The following PAX3 variants were observed in gnomAD, a reference collection of about 807,000 sequenced individuals.
PAX3 encodes paired box 3.
A neutral mutation model predicts 51.6 loss-of-function variants in PAX3; 14 were observed. The ratio of observed to expected loss-of-function variants is 0.27; its 90% confidence interval spans 0.18 to 0.42. The LOEUF is 0.42. PAX3 is among the 10% of genes least tolerant of loss of function. The pLI, the probability that PAX3 is intolerant of heterozygous loss-of-function variation, is 1.00. For missense variants in PAX3, 540 were observed against 642.8 expected, an observed-to-expected ratio of 0.84 and a Z score of 1.73; for synonymous variants, 280 against 253.4, an observed-to-expected ratio of 1.11 and a Z score of -1.00.
rs183125402 is a variant in PAX3 at position 222,273,865 on chromosome 2, G to A, written c.586+20302C>T. On this transcript the variant is annotated intron_variant, in intron 4 of 8. Transcript: ENST00000392070. ...AATTCGACTAAAACATGGCAAATTC[G>A]GTGCTGTAATTTTTTAAATTTGCTC... Among the ~76,000 whole-genome samples the A allele has an allele frequency of 1.4e-3, 211 of 151,956 alleles. 1 individual carries two copies. The highest frequency in any genetic ancestry group is 2.5e-3 in the Non-Finnish European group (169 of 67,972).
intron 4 of PAX3, among the ~76,000 whole-genome samples, chr2:222,291,106 C>T (rs1465813028): frequency 6.6e-6 from 1 of 152,148 alleles, no homozygotes; most frequent in African/African-American, 2.4e-5. Flanking sequence ...AGTGGGGGCC[C>T]AGCCCATTGT....
chr2:222,214,531 T>C (rs1483890848), intron 7 of PAX3: 2 of 152,142 alleles, frequency 1.3e-5, no homozygotes, highest in East Asian at 1.9e-4. Flanking sequence ...GTCTTATTAG[T>C]GTAAAGAGCT....
chr2:222,293,801 C>T lies in PAX3; in HGVS notation c.586+366G>A, dbSNP rs1040531388. 6.8e-6 allele frequency: 11 copies of T among 1,613,942 alleles called. No homozygotes were observed. The African/African-American group carries it at 1.5e-4, about 22-fold the overall frequency. On this transcript the variant is annotated intron_variant, in intron 4 of 8. Transcript: ENST00000392070. ...CTTCAACTTCTGAAGATTCAAGTAC[C>T]CTCTATCCCCGGCCCTACAATTGCT... is the stretch of plus-strand genomic sequence containing the variant.
At chr2:222,233,753 C>T (rs1692698391) in intron 4 of PAX3, among the ~76,000 whole-genome samples, 1 of 152,126 alleles carries the variant, frequency 6.6e-6, no homozygotes, top group African/African-American at 2.4e-5. Context: ...CTCTTGAACA[C>T]ATCCAAATGT....
intron 4 of PAX3, among the ~76,000 whole-genome samples, chr2:222,292,524 G>A (rs781124559): frequency 3.3e-5 from 5 of 152,190 alleles, no homozygotes; most frequent in Admixed American, 6.5e-5. Flanking sequence ...CCTGTACTGC[G>A]AGAGAGCAGC....
chr2:222,284,616 TGTGTG>T (rs1217322988), intron 4 of PAX3, among the ~76,000 whole-genome samples: 2 of 2,928 alleles, frequency 6.8e-4, no homozygotes, highest in Admixed American at 6.0e-3. Context: ...TGTGTGCGTG[TGTGTG>T]TGTGTGTGTG....
chr2:222,279,508 G>C (rs905404221), intron 4 of PAX3, among the ~76,000 whole-genome samples: 1 of 152,202 alleles, frequency 6.6e-6, no homozygotes, highest in Admixed American at 6.5e-5. Flanking sequence ...GTAGAGGAGG[G>C]TTAGGTGGTA....
intron 4 of PAX3, among the ~76,000 whole-genome samples, chr2:222,245,167 A>G (rs530950680): frequency 3.9e-5 from 6 of 152,290 alleles, no homozygotes; most frequent in African/African-American, 1.4e-4. Flanking sequence ...AAGAAAAGAA[A>G]TAGAATAAAA....
At position 222,229,903 on chromosome 2, in the gene PAX3, G is replaced by A. The variant is rs184595580; in HGVS notation, c.792+2175C>T. 6.4e-3 allele frequency among the ~76,000 whole-genome samples: 973 copies of A among 152,238 alleles called. 2 individuals are homozygous for A. The highest frequency in any genetic ancestry group is 0.024 in the Middle Eastern group (7 of 294). On this transcript the variant is annotated intron_variant, in intron 5 of 8. Transcript: ENST00000392070. The stretch of plus-strand genomic sequence containing the variant: ...AGTTCATCTTAAATCTGCCCTCTGG[G>A]CCCAGCACAATGGCTCATGCCTATA...
chr2:222,238,997 G>A (rs567941581), intron 4 of PAX3, among the ~76,000 whole-genome samples: 21 of 152,308 alleles, frequency 1.4e-4, no homozygotes, highest in Middle Eastern at 3.4e-3. Context: ...GCCCTTTTAC[G>A]CTGAGAAAGA....
chr2:222,280,281 GAGAA>G (rs1198008602), intron 4 of PAX3, among the ~76,000 whole-genome samples: 3 of 125,628 alleles, frequency 2.4e-5, no homozygotes, highest in African/African-American at 5.9e-5. Context: ...GAAAGAAGGA[GAGAA>G]AGAGAGAGAG....
intron 4 of PAX3, among the ~76,000 whole-genome samples, chr2:222,241,110 TA>T (rs1427746497): frequency 1.3e-5 from 2 of 152,204 alleles, no homozygotes; most frequent in Admixed American, 6.5e-5. Flanking sequence ...TCCATGTCTC[TA>T]AAAGCAGTAA....
intron 7 of PAX3, among the ~76,000 whole-genome samples, chr2:222,216,725 CAGAG>C (rs111690098): frequency 0.069 from 10,275 of 149,972 alleles, 567 homozygotes; most frequent in Admixed American, 0.17. Context: ...CACACACACA[CAGAG>C]AGAGAGAGAG....
chr2:222,291,091 A>C (rs915121715), intron 4 of PAX3, among the ~76,000 whole-genome samples: 6 of 152,184 alleles, frequency 3.9e-5, no homozygotes, highest in Admixed American at 3.9e-4. Flanking sequence ...GGCGCAGAGC[A>C]CAGGAGTGGG....
intron 4 of PAX3, among the ~76,000 whole-genome samples, chr2:222,281,810 A>C (rs1265522642): frequency 2.0e-5 from 3 of 152,066 alleles, no homozygotes; most frequent in Non-Finnish European, 4.4e-5. Context: ...CTTTGTAGAC[A>C]CTCTTAATGC....
rs542226085 is a variant in PAX3, at chr2:222,254,315, A to C, written c.587-22032T>G. ...GTGTTTTTTCATCTTACGTTTTGTC[A>C]GTCTTTTCTCACCTTATATTTAGAT... On this transcript the variant is annotated intron_variant, in intron 4 of 8. Transcript: ENST00000392070. 2.0e-5 allele frequency among the ~76,000 whole-genome samples: 3 copies of C among 152,296 alleles called. No individual in the cohort carries two copies. The South Asian group carries it at 6.2e-4, about 32-fold the overall frequency.
chr2:222,295,350 C>T (rs1225694329), intron 3 of PAX3, among the ~76,000 whole-genome samples, 178 bp downstream of exon 3: 1 of 152,230 alleles, frequency 6.6e-6, no homozygotes. Context: ...GGACAAGCAG[C>T]TCACCCCTCC....
intron 4 of PAX3, among the ~76,000 whole-genome samples, chr2:222,235,133 A>G (rs1253293647): frequency 6.6e-6 from 1 of 152,194 alleles, no homozygotes; most frequent in African/African-American, 2.4e-5. Context: ...TCAATTAATC[A>G]AAATCGTCTC....
chr2:222,230,737 C>A (rs1376723183), intron 5 of PAX3, among the ~76,000 whole-genome samples: 3 of 151,736 alleles, frequency 2.0e-5, no homozygotes, highest in African/African-American at 7.3e-5. Flanking sequence ...CACCTGTAAT[C>A]CCAGCTACTT....
Sources: gnomAD v4.1 joint callset for allele counts (sites outside exome capture counted in the v4.1 genomes callset) on GRCh38, gnomAD v4.1.1 for gene constraint, MANE v1.5 for transcripts, NCBI Gene and HGNC (gene_info 2026-07-23, HGNC 2026-07-21) for gene names.